ARHGAP19: variants seen among roughly 807,000 people sequenced by gnomAD.
The protein encoded by ARHGAP19 is Rho GTPase activating protein 19, also known as rho GTPase-activating protein 19.
ARHGAP19 carries 48 observed loss-of-function variants against 60.9 expected under a neutral mutation model. That is an observed-to-expected ratio of 0.79 (90% CI 0.62 to 1.00). ARHGAP19 has a LOEUF of 1.00. ARHGAP19 is among the 50% of genes least tolerant of loss of function. ARHGAP19 has a pLI of 0.00. For missense variants in ARHGAP19, 562 were observed against 597.2 expected (o/e 0.94, Z 0.61); for synonymous variants, 209 against 215.5 (o/e 0.97, Z 0.27).
intron 6 of ARHGAP19, among the ~76,000 whole-genome samples, chr10:97,251,391 AG>A (rs1842656332): frequency 4.5e-5 from 1 of 22,054 alleles, no homozygotes; most frequent in Non-Finnish European, 8.4e-5. Flanking sequence ...GGGAAGGGGA[AG>A]GGAAGGGGAA....
At chr10:97,242,939 C>T (rs536511837) in intron 8 of ARHGAP19, among the ~76,000 whole-genome samples, 1 of 152,118 alleles carries the variant, frequency 6.6e-6, no homozygotes, top group Non-Finnish European at 1.5e-5. Flanking sequence ...TGTGAGCCAC[C>T]GCGCCCAGCC....
intron 8 of ARHGAP19, among the ~76,000 whole-genome samples, chr10:97,241,364 C>T (rs1842478657): frequency 6.6e-6 from 1 of 151,798 alleles, no homozygotes; most frequent in African/African-American, 2.4e-5. Flanking sequence ...ACACTCCAGC[C>T]TGGGCAACAG....
intron 8 of ARHGAP19, among the ~76,000 whole-genome samples, chr10:97,243,664 G>A (rs1236980545): frequency 1.3e-5 from 2 of 152,152 alleles, no homozygotes; most frequent in African/African-American, 4.8e-5. Flanking sequence ...AGAAAATCTG[G>A]AGGGTTTAAA....
In ARHGAP19 at chr10:97,265,498, C is replaced by T. The variant is rs539626275; in HGVS notation, c.322+362G>A. On this transcript the variant is annotated intron_variant, in intron 2 of 11. Coordinates refer to ENST00000358531, the MANE Select transcript of ARHGAP19 (RefSeq NM_032900.6). ...TCGGCAACAAAGTGGGACCCCATCC[C>T]TTCAAAAAAAGAAAATTCAAGCATT... The T allele has an allele frequency of 1.3e-3, 265 of 207,588 alleles. 5 individuals carry two copies. In the South Asian group the frequency reaches 0.015, roughly 12 times the overall value. The allele number at this position is 207,588 out of a possible 1,614,324, so 12.9% of individuals were successfully genotyped here.
intron 1 of ARHGAP19, among the ~76,000 whole-genome samples, chr10:97,267,944 T>C (rs1168433009): frequency 6.6e-6 from 1 of 152,234 alleles, no homozygotes; most frequent in Admixed American, 6.5e-5. Flanking sequence ...ATTTTCCCCA[T>C]TGTCTTGGAA....
At position 97,259,984 on chromosome 10, in the gene ARHGAP19, C is replaced by T. The variant is rs571729090; in HGVS notation, c.614-356G>A. Among the ~76,000 whole-genome samples, 30 of 151,626 alleles carry T rather than the reference C, an allele frequency of 2.0e-4. No homozygotes were observed. In the South Asian group the frequency reaches 4.4e-3, roughly 22 times the overall value. On this transcript the variant is annotated intron_variant, in intron 4 of 11. Coordinates refer to ENST00000358531, the MANE Select transcript of ARHGAP19 (RefSeq NM_032900.6). Reference sequence around the variant, plus strand: ...CCGAGTAGCTGGGACTATAGGCACCCGCCACCACGCCCGGCTAATTTTTTG... The same window carrying T: ...CCGAGTAGCTGGGACTATAGGCACCTGCCACCACGCCCGGCTAATTTTTTG...
At chr10:97,259,850 T>TTTTGTTTTG (rs1554864400) in intron 4 of ARHGAP19, among the ~76,000 whole-genome samples, 3,396 of 29,690 alleles carry the variant, frequency 0.11, 124 homozygotes, top group African/African-American at 0.19. Flanking sequence ...GTTTTGTTTT[T>TTTTGTTTTG]TTTGAGACAA....
intron 4 of ARHGAP19, among the ~76,000 whole-genome samples, chr10:97,261,100 G>A (rs1051596115): frequency 6.6e-6 from 1 of 152,018 alleles, no homozygotes; most frequent in South Asian, 2.1e-4. Flanking sequence ...CTCCCAATAG[G>A]GTCAGAATTA....
At chr10:97,284,708 G>T (rs1168900099) in intron 1 of ARHGAP19, among the ~76,000 whole-genome samples, 2 of 149,550 alleles carry the variant, frequency 1.3e-5, no homozygotes, top group Non-Finnish European at 3.0e-5. Flanking sequence ...TGTCTTGCTA[G>T]GTTGCCCAGG....
chr10:97,266,068 A>G lies in ARHGAP19; in HGVS notation c.114T>C (p.Ile38=). ...CCACAAAAAAGTCAGGATTAAAGAT[A>G]ATGGGCTGACCTCGAAGGGAAGAAT... ...CNDSSLRGQP[I]IFNPDFFVEK... Residue 38 remains isoleucine (I), a synonymous_variant, in exon 2 of 12, where the codon ATT becomes ATC. Transcript: ENST00000358531. 1 of 1,614,232 alleles carries G rather than the reference A, an allele frequency of 6.2e-7. No individual in the cohort carries two copies. The highest frequency in any genetic ancestry group is 8.5e-7 in the Non-Finnish European group (1 of 1,180,042).
At chr10:97,245,595 C>CAAAAAAAAAAAAAA (rs397845381) in intron 7 of ARHGAP19, among the ~76,000 whole-genome samples, 1 of 112,378 alleles carries the variant, frequency 8.9e-6, no homozygotes, top group African/African-American at 3.5e-5. Context: ...AACCCTATCT[C>CAAAAAAAAAAAAAA]AAAAAAAAAA....
intron 6 of ARHGAP19, among the ~76,000 whole-genome samples, chr10:97,252,419 G>A (rs979007746): frequency 4.0e-5 from 6 of 151,606 alleles, no homozygotes; most frequent in South Asian, 2.1e-4. Flanking sequence ...TCAGGAGATC[G>A]AGACCATCCT....
rs997670266 is a variant in ARHGAP19, at chr10:97,225,257, T to C, written c.*865A>G. 2.0e-5 allele frequency: 3 copies of C among 152,184 alleles called. No homozygotes were observed. Among genetic ancestry groups the C allele is most frequent in the Middle Eastern group, 3.2e-3 (1 of 316 alleles). The allele number at this position is 152,184 out of a possible 1,614,324, so 9.4% of individuals were successfully genotyped here. Reference sequence around the variant, plus strand: ...AGTGATTTGGTTCAGAAGTATTACGTTGGCACCAGAGATGTTTTAGTCAAG... The same window carrying C: ...AGTGATTTGGTTCAGAAGTATTACGCTGGCACCAGAGATGTTTTAGTCAAG... On this transcript the variant is annotated 3_prime_UTR_variant, in exon 12 of 12. Transcript: ENST00000358531.
chr10:97,258,000 T>A (rs371147460), intron 5 of ARHGAP19, among the ~76,000 whole-genome samples: 31 of 152,318 alleles, frequency 2.0e-4, no homozygotes, highest in Middle Eastern at 6.8e-3. Context: ...CAGCAGGTCC[T>A]CGAATAACAT....
chr10:97,280,698 C>G (rs1351500097), intron 1 of ARHGAP19, among the ~76,000 whole-genome samples: 1 of 151,976 alleles, frequency 6.6e-6, no homozygotes, highest in Non-Finnish European at 1.5e-5. Flanking sequence ...TCCTCCCATA[C>G]TCCCACATCA....
intron 1 of ARHGAP19, among the ~76,000 whole-genome samples, chr10:97,279,969 C>T (rs1255327417): frequency 6.6e-6 from 1 of 152,116 alleles, no homozygotes; most frequent in African/African-American, 2.4e-5. Flanking sequence ...ATAAATAATG[C>T]CAATTTACTC....
chr10:97,232,508 G>A (rs900240390), intron 9 of ARHGAP19, among the ~76,000 whole-genome samples: 1 of 151,996 alleles, frequency 6.6e-6, no homozygotes, highest in Non-Finnish European at 1.5e-5. Flanking sequence ...TTGAGTTATA[G>A]GAGTTCTTTA....
At chr10:97,259,780 A>G (rs1842804028) in intron 4 of ARHGAP19, 152 bp from the exon 5 acceptor site, 4 of 625,916 alleles carry the variant, frequency 6.4e-6, no homozygotes, top group East Asian at 2.7e-5. Context: ...GCAAAACATA[A>G]TAACAAAATA....
intron 7 of ARHGAP19, among the ~76,000 whole-genome samples, chr10:97,244,902 T>C (rs879829826): frequency 6.9e-4 from 104 of 151,206 alleles, no homozygotes; most frequent in Non-Finnish European, 1.3e-3. Flanking sequence ...TTTTTTTTTT[T>C]CAGAGCAGGA....
Sources: gnomAD v4.1 joint callset for allele counts (sites outside exome capture counted in the v4.1 genomes callset) on GRCh38, gnomAD v4.1.1 for gene constraint, MANE v1.5 for transcripts, NCBI Gene and HGNC (gene_info 2026-07-23, HGNC 2026-07-21) for gene names.